The following TEX13C variants were observed in gnomAD, a reference collection of about 807,000 sequenced individuals.
TEX13C encodes testis-expressed protein 13C.
For synonymous variants in TEX13C, 219 were observed against 116.6 expected (o/e 1.88, Z -5.65); for missense variants, 480 against 298.7 (o/e 1.61, Z -4.47).
chrX:125,319,891 T>C (rs2018817242), upstream of TEX13C, among the ~76,000 whole-genome samples: 1 of 112,219 alleles, frequency 8.9e-6, no homozygotes, highest in East Asian at 2.8e-4. Context: ...GTCGCGGAGT[T>C]GCCGATAGGG....
exon 1 of TEX13C, chrX:125,320,271 G>A (rs1025449993): frequency 1.4e-5 from 7 of 515,144 alleles, no homozygotes; most frequent in Admixed American, 2.6e-5. Context: ...GACCGGCTTC[G>A]GGCCATTGTG....
exon 1 of TEX13C, chrX:125,321,258 A>C (rs1441298323): frequency 1.9e-6 from 1 of 513,356 alleles, no homozygotes; most frequent in Non-Finnish European, 3.5e-6. Context: ...CACAGCCTGA[A>C]GAAAGATCCA....
exon 1 of TEX13C, chrX:125,325,117 G>A (rs1391922238): frequency 9.0e-6 from 1 of 111,438 alleles, no homozygotes; most frequent in East Asian, 2.9e-4. Flanking sequence ...AGCTAAAGAT[G>A]TCCTTGAGTT....
exon 1 of TEX13C, chrX:125,324,934 A>G (rs1313037036): frequency 8.9e-6 from 1 of 111,775 alleles, no homozygotes; most frequent in Non-Finnish European, 1.9e-5. Context: ...GGGAGGATAA[A>G]TTGGGTTAAA....
exon 1 of TEX13C, chrX:125,320,464 C>T (rs1196112617): frequency 5.8e-6 from 3 of 515,851 alleles, no homozygotes; most frequent in Non-Finnish European, 1.0e-5. Context: ...AGCAGCTGCG[C>T]CTGGAGCATG....
At chrX:125,320,823 A>G in exon 1 of TEX13C, 2 of 514,877 alleles carry the variant, frequency 3.9e-6, no homozygotes, top group Middle Eastern at 3.1e-4. Flanking sequence ...GTCCCATTCC[A>G]TATGCCTTCA....
exon 1 of TEX13C, chrX:125,323,064 G>T: frequency 1.9e-6 from 1 of 513,322 alleles, no homozygotes; most frequent in Non-Finnish European, 3.5e-6. Context: ...AAGAGAGTCC[G>T]TATGCCAGTT....
chrX:125,321,301 C>T (rs1336724791), exon 1 of TEX13C: 6 of 511,919 alleles, frequency 1.2e-5, no homozygotes, highest in Non-Finnish European at 1.7e-5. Context: ...CCATAGGGGA[C>T]AGCAACAGCC....
rs1422062359 is a variant in TEX13C, at chrX:125,321,484, G to C, written c.1365G>C (p.Leu455=). Residue 455 remains leucine, a synonymous_variant, in exon 1 of 1, where the codon CTG becomes CTC. Coordinates refer to ENST00000632600, the Ensembl canonical transcript of TEX13C. ...TGATGTGCCAGGAGATGGTCCCCCT[G>C]GGGGACAGCAACAGCCATAGCCTGA... 7.9e-6 allele frequency: 4 copies of C among 507,344 alleles called. No individual in the cohort carries two copies. The East Asian group carries it at 1.5e-4, about 19-fold the overall frequency. The allele number at this position is 507,344 out of a possible 1,213,427, so 41.8% of individuals were successfully genotyped here. A position where few individuals can be genotyped will look rare whatever the true frequency, so the allele number is the denominator to read the frequency against.
At chrX:125,320,086 C>T (rs749996787), upstream of TEX13C, 125 of 459,596 alleles carry the variant, frequency 2.7e-4, no homozygotes, top group Non-Finnish European at 3.9e-4. Context: ...GGCGACGCAC[C>T]GTGAGGCAGC....
chrX:125,320,027 G>T (rs73634598), upstream of TEX13C: 2,915 of 448,681 alleles, frequency 6.5e-3, 59 homozygotes, highest in African/African-American at 0.062. Context: ...GGTGAGGGGT[G>T]GACTGGTTGG....
In TEX13C at chrX:125,323,031, G is replaced by A. The variant is rs191097920; in HGVS notation, c.2912G>A (p.Arg971Gln). 326 of 513,746 alleles carry A rather than the reference G, an allele frequency of 6.3e-4. 2 individuals are homozygous for A. The highest frequency in any genetic ancestry group is 3.4e-3 in the African/African-American group (148 of 43,415). 42.3% of individuals were successfully genotyped at this position (513,746 alleles called of 1,213,427 possible). A position where few individuals can be genotyped will look rare whatever the true frequency, so the allele number is the denominator to read the frequency against. The change falls in exon 1 of 1, where the codon CGG (arginine) becomes CAG (glutamine). Residue 971 changes from arginine to glutamine, a missense_variant. Coordinates refer to ENST00000632600, the Ensembl canonical transcript of TEX13C. ...TGGTGTAATGCCATGAATTTTCCAC[G>A]GAACAAGGTGTGCTCTAAATGCAAG... is the stretch of plus-strand genomic sequence containing the variant.
At chrX:125,324,257 G>C (rs1217049704) in exon 1 of TEX13C, 1 of 111,467 alleles carries the variant, frequency 9.0e-6, no homozygotes, top group Non-Finnish European at 1.9e-5. Flanking sequence ...AGCATAATTT[G>C]GCATACACAT....
exon 1 of TEX13C, chrX:125,322,831 G>C (rs1177843242): frequency 1.4e-5 from 7 of 513,625 alleles, no homozygotes; most frequent in Admixed American, 5.3e-5. Flanking sequence ...AGGAAGATCA[G>C]GAGAGGCCCC....
exon 1 of TEX13C, chrX:125,320,347 G>C (rs1279292499): frequency 3.9e-6 from 2 of 515,983 alleles, no homozygotes; most frequent in Admixed American, 5.3e-5. Context: ...CGCTGAGTGT[G>C]CAAGTGGCTG....
exon 1 of TEX13C, chrX:125,322,611 A>C (rs982380779): frequency 1.1e-4 from 54 of 509,229 alleles, no homozygotes; most frequent in Non-Finnish European, 1.7e-4. Context: ...CCCCTGGGGG[A>C]CAGCAACAGC....
chrX:125,320,612 G>A (rs747025161), exon 1 of TEX13C: 17 of 514,580 alleles, frequency 3.3e-5, no homozygotes, highest in African/African-American at 1.1e-4. Flanking sequence ...TTTTGTACCC[G>A]GTCCAGAAGC....
chrX:125,321,203 CCAGTG>C lies in TEX13C; in HGVS notation c.1085_1089del (p.Pro362HisfsTer99). The C allele has an allele frequency of 1.9e-6, 1 of 515,040 alleles. No homozygotes were observed. Among genetic ancestry groups the C allele is most frequent in the East Asian group, 3.6e-5 (1 of 27,727 alleles). The allele number at this position is 515,040 out of a possible 1,213,427, so 42.4% of individuals were successfully genotyped here. A position where few individuals can be genotyped will look rare whatever the true frequency, so the allele number is the denominator to read the frequency against. ...CAGGAGCCACAGCCTGGAGAAAAAA[CCAGTG>C]ATGCCCAAGGAGATGGTCCCCCTAG... On this transcript the variant is annotated frameshift_variant, in exon 1 of 1. Transcript: ENST00000632600. LOFTEE classifies it low-confidence loss of function (END_TRUNC).
chrX:125,321,351 T>A (rs2018835606), exon 1 of TEX13C: 1 of 510,177 alleles, frequency 2.0e-6, no homozygotes, highest in Admixed American at 2.7e-5. Context: ...AAGGAGATGG[T>A]CTCCCTGGGG....
Sources: allele counts gnomAD v4.1 joint callset (sites outside exome capture counted in the v4.1 genomes callset), GRCh38; gene constraint gnomAD v4.1.1; transcripts MANE v1.5; gene names NCBI Gene and HGNC (gene_info 2026-07-23, HGNC 2026-07-21).